Variants in WASHC4 observed in about 807,000 individuals in gnomAD.
WASHC4 encodes the protein WASH complex subunit 4, also known as WASH complex subunit 7.
WASHC4 carries 86 observed loss-of-function variants against 166.6 expected under a neutral mutation model. The ratio of observed to expected loss-of-function variants is 0.52; its 90% CI spans 0.43 to 0.62. WASHC4 has a LOEUF of 0.62. WASHC4 is among the 20% of genes least tolerant of loss of function. WASHC4 has a pLI of 0.00. For synonymous variants in WASHC4, 446 were observed against 451.6 expected (o/e 0.99, Z 0.16); for missense variants, 1,262 against 1,382.4 (o/e 0.91, Z 1.38).
intron 18 of WASHC4, among the ~76,000 whole-genome samples, chr12:105,142,003 G>GC (rs1159845957): frequency 8.8e-6 from 1 of 113,668 alleles, no homozygotes; most frequent in African/African-American, 3.3e-5. Context: ...TTTTTTTGGG[G>GC]CGGGGGGGGT....
chr12:105,153,957 C>T (rs550566843), intron 26 of WASHC4, among the ~76,000 whole-genome samples: 2 of 152,090 alleles, frequency 1.3e-5, no homozygotes, highest in South Asian at 2.1e-4. Context: ...GGTTGCAGTC[C>T]ACAATTGGGG....
intron 29 of WASHC4, among the ~76,000 whole-genome samples, chr12:105,161,968 T>G (rs1884522838): frequency 6.6e-6 from 1 of 152,224 alleles, no homozygotes; most frequent in Non-Finnish European, 1.5e-5. Context: ...AAATTAAAAA[T>G]TCAGCTTGTC....
intron 9 of WASHC4, 82 bp downstream of exon 9, chr12:105,121,286 A>G (rs1880717621): frequency 2.4e-6 from 2 of 847,420 alleles, no homozygotes; most frequent in Admixed American, 3.9e-5. Flanking sequence ...GATATAAATA[A>G]TACAGATTTT....
At chr12:105,120,900 TA>T (rs1372461884) in intron 8 of WASHC4, among the ~76,000 whole-genome samples, 200 bp from the exon 9 acceptor site, 2 of 152,238 alleles carry the variant, frequency 1.3e-5, no homozygotes, top group East Asian at 3.8e-4. Context: ...TTGTTCATCT[TA>T]AAAAGAGAAA....
chr12:105,125,710 T>G (rs570687696), intron 10 of WASHC4, among the ~76,000 whole-genome samples: 1 of 152,128 alleles, frequency 6.6e-6, no homozygotes, highest in Admixed American at 6.5e-5. Context: ...AAAAATATGC[T>G]TTATCTTTTA....
At chr12:105,128,566 A>T (rs1166463372) in intron 13 of WASHC4, among the ~76,000 whole-genome samples, 1 of 152,202 alleles carries the variant, frequency 6.6e-6, no homozygotes, top group Non-Finnish European at 1.5e-5. Flanking sequence ...ATGCTCCAAT[A>T]CTGGAAACTT....
At position 105,150,859 on chromosome 12, in the gene WASHC4, G is replaced by A. The variant is rs72487517; in HGVS notation, c.2649+1110G>A. ...GGTGACGGGAAAGAATGAGTGCCCA[G>A]CGAAGCGGGAAGCCCTTACAACCAT... is the stretch of plus-strand genomic sequence containing the variant. On this transcript the variant is annotated intron_variant, in intron 25 of 32. Transcript: ENST00000332180. 4.8e-3 allele frequency among the ~76,000 whole-genome samples: 490 copies of A among 102,182 alleles called. 20 individuals are homozygous for A. The East Asian group carries it at 0.11, about 23-fold the overall frequency. 67.0% of individuals were successfully genotyped at this position (102,182 alleles called of 152,430 possible). A position where few individuals can be genotyped will look rare whatever the true frequency, so the allele number is the denominator to read the frequency against.
At chr12:105,152,502 A>G (rs761476955) in intron 26 of WASHC4, 51 bp downstream of exon 26, 5 of 958,866 alleles carry the variant, frequency 5.2e-6, no homozygotes, top group South Asian at 5.2e-5. Flanking sequence ...CCTACAGTCT[A>G]TCTCATATAT....
At chr12:105,120,724 T>TG (rs1401760730) in intron 8 of WASHC4, 127 bp downstream of exon 8, 7 of 643,524 alleles carry the variant, frequency 1.1e-5, no homozygotes, top group Admixed American at 2.5e-5. Flanking sequence ...GTGTGTGTGT[T>TG]TGTGTGTGTT....
At position 105,141,159 on chromosome 12, in the gene WASHC4, C is replaced by G. The variant is rs1189930561; in HGVS notation, c.1708-8C>G. The G allele has an allele frequency of 5.6e-6, 9 of 1,611,918 alleles. No homozygotes were observed. The South Asian group carries it at 8.8e-5, about 16-fold the overall frequency. On this transcript the variant is annotated splice_polypyrimidine_tract_variant and splice_region_variant and intron_variant, in intron 17 of 32. Coordinates refer to ENST00000332180, the MANE Select transcript of WASHC4 (RefSeq NM_015275.3). ...AACTTCTCTGCCTTTTTTTCCTGTC[C>G]CTGATAGAAAACATTTAAAGATGAA...
chr12:105,146,638 T>G, intron 23 of WASHC4, 112 bp downstream of exon 23: 1 of 689,140 alleles, frequency 1.5e-6, no homozygotes, highest in Non-Finnish European at 2.6e-6. Context: ...AAAAAATAAT[T>G]GTTTTCGAGG....
chr12:105,161,773 T>TA (rs1383235196), intron 29 of WASHC4, among the ~76,000 whole-genome samples: 1 of 152,228 alleles, frequency 6.6e-6, no homozygotes, highest in Non-Finnish European at 1.5e-5. Flanking sequence ...TTGGTTTTGT[T>TA]TCCAGCGTAG....
rs1879970895 is a variant in WASHC4 at position 105,114,359 on chromosome 12, T to C, written c.256-3T>C. The C allele has an allele frequency of 1.9e-6, 3 of 1,600,006 alleles. No homozygotes were observed. Among genetic ancestry groups the C allele is most frequent in the South Asian group, 1.1e-5 (1 of 89,942 alleles). On this transcript the variant is annotated splice_region_variant and splice_polypyrimidine_tract_variant and intron_variant, in intron 3 of 32. Transcript: ENST00000332180. ...TTTATTTTGTTTTTACTCATGAAAC[T>C]AGGTCTTAAACAAAGTCATCACTGT...
In WASHC4 at chr12:105,133,959, T is replaced by C. The variant is rs1157166072; in HGVS notation, c.1326+63T>C. On this transcript the variant is annotated intron_variant, in intron 14 of 32. Transcript: ENST00000332180. ...AATCCAACTTACAGAAGTTAAACTTTGAAAAAACTGAACAAAGGGTAGAGT... is the reference window on the plus strand; with the variant it reads ...AATCCAACTTACAGAAGTTAAACTTCGAAAAAACTGAACAAAGGGTAGAGT... The C allele has an allele frequency of 1.4e-5, 21 of 1,462,298 alleles. No individual in the cohort carries two copies. In the South Asian group the frequency reaches 2.4e-4, roughly 17 times the overall value. 90.6% of individuals were successfully genotyped at this position (1,462,298 alleles called of 1,614,324 possible). A position where few individuals can be genotyped will look rare whatever the true frequency, so the allele number is the denominator to read the frequency against.
chr12:105,142,210 A>G (rs1882924529), intron 18 of WASHC4, among the ~76,000 whole-genome samples: 1 of 152,104 alleles, frequency 6.6e-6, no homozygotes, highest in Non-Finnish European at 1.5e-5. Flanking sequence ...TCATTTTTCA[A>G]GTATGGTTTA....
intron 12 of WASHC4, 105 bp downstream of exon 12, chr12:105,126,467 A>G: frequency 1.1e-6 from 1 of 929,112 alleles, no homozygotes; most frequent in East Asian, 2.6e-5. Context: ...AAATAATTTA[A>G]AAGTATTCAC....
chr12:105,116,685 A>T (rs1024768719), intron 6 of WASHC4, among the ~76,000 whole-genome samples: 1 of 152,202 alleles, frequency 6.6e-6, no homozygotes, highest in African/African-American at 2.4e-5. Context: ...CCTTTTTATT[A>T]TCGGTATGTA....
At position 105,164,187 on chromosome 12, in the gene WASHC4, G is replaced by C; in HGVS notation, c.3234G>C (p.Glu1078Asp). The change falls in exon 31 of 33, where the codon GAG (glutamate) becomes GAC (aspartate). Residue 1078 changes from glutamate (E) to aspartate (D), a missense_variant. By Grantham distance (45) the Glu-to-Asp change is conservative. Coordinates refer to ENST00000332180, the MANE Select transcript of WASHC4 (RefSeq NM_015275.3). Reference sequence around the variant, plus strand: ...TTCACTGGTTCCAGTCTGTTAGAGAGAAATACCTGAAGGAGATAAGAGCAG... The same window carrying C: ...TTCACTGGTTCCAGTCTGTTAGAGACAAATACCTGAAGGAGATAAGAGCAG... The part of the protein sequence containing the change: ...DSLHWFQSVR[E>D]KYLKEIRAVA... 6.2e-7 allele frequency: 1 copy of C among 1,614,108 alleles called. No homozygotes were observed. The highest frequency in any genetic ancestry group is 2.2e-5 in the East Asian group (1 of 44,866).
At position 105,157,183 on chromosome 12, in the gene WASHC4, A is replaced by G. The variant is rs2135833280; in HGVS notation, c.2826-53A>G. On this transcript the variant is annotated intron_variant, in intron 27 of 32. Transcript: ENST00000332180. Reference sequence around the variant, plus strand: ...GCAGTACCACTTTTATATCTGTGTCAATTGCACATATTTTACTTGACCTAA... The same window carrying G: ...GCAGTACCACTTTTATATCTGTGTCGATTGCACATATTTTACTTGACCTAA... 6.7e-6 allele frequency: 6 copies of G among 892,898 alleles called. No individual in the cohort carries two copies. In the East Asian group the frequency reaches 1.4e-4, roughly 22 times the overall value. 55.3% of individuals were successfully genotyped at this position (892,898 alleles called of 1,614,324 possible). A position where few individuals can be genotyped will look rare whatever the true frequency, so the allele number is the denominator to read the frequency against.
Sources: allele counts gnomAD v4.1 joint callset (sites outside exome capture counted in the v4.1 genomes callset), GRCh38; gene constraint gnomAD v4.1.1; transcripts MANE v1.5; gene names NCBI Gene and HGNC (gene_info 2026-07-23, HGNC 2026-07-21).